The following EXOC2 variants were observed in gnomAD, a reference collection of about 807,000 sequenced individuals.
EXOC2 encodes the protein exocyst complex component 2.
Under a neutral mutation model 131.8 loss-of-function variants are expected in EXOC2, and 70 were observed. The ratio of observed to expected loss-of-function variants is 0.53; its 90% CI spans 0.44 to 0.65. The LOEUF is 0.65. EXOC2 is among the 30% of genes least tolerant of loss of function. The probability of loss-of-function intolerance (pLI) is 0.00; values close to 1 mark genes in which losing one functional copy is unlikely to be tolerated. For synonymous variants in EXOC2, 411 were observed against 398.4 expected (o/e 1.03, Z -0.38); for missense variants, 923 against 1,108.6 (o/e 0.83, Z 2.38).
At position 491,205 on chromosome 6, in the gene EXOC2, C is replaced by CT; in HGVS notation, c.2560-20_2560-19insA. On this transcript the variant is annotated intron_variant, in intron 25 of 27. Coordinates refer to ENST00000230449, the MANE Select transcript of EXOC2 (RefSeq NM_018303.6). Reference sequence around the variant, plus strand: ...GTCTCGCCTGAAAATGAGAAAAAGACAAAGTGACAACAGGAAAATTTATAT... The same window carrying CT: ...GTCTCGCCTGAAAATGAGAAAAAGACTAAAGTGACAACAGGAAAATTTATAT... 6.2e-7 allele frequency: 1 copy of CT among 1,613,600 alleles called. No individual in the cohort carries two copies. The highest frequency in any genetic ancestry group is 8.5e-7 in the Non-Finnish European group (1 of 1,179,596).
chr6:541,825 C>T (rs992369906), intron 22 of EXOC2, among the ~76,000 whole-genome samples: 4 of 152,078 alleles, frequency 2.6e-5, no homozygotes, highest in East Asian at 3.8e-4. Context: ...TCTGGGCATA[C>T]GGAAAATACC....
At chr6:555,373 T>C (rs1561851507) in intron 19 of EXOC2, 85 bp from the exon 20 acceptor site, 14 of 830,308 alleles carry the variant, frequency 1.7e-5, no homozygotes, top group Non-Finnish European at 2.6e-5. Flanking sequence ...TAACTTTACA[T>C]AAAGTAGAAT....
chr6:501,676 A>G (rs1581315676), intron 23 of EXOC2, among the ~76,000 whole-genome samples: 1 of 119,822 alleles, frequency 8.3e-6, no homozygotes, highest in East Asian at 2.2e-4. Context: ...TATAAAAGAT[A>G]TATATATCTA....
intron 27 of EXOC2, 93 bp downstream of exon 27, chr6:488,886 G>T: frequency 7.5e-7 from 1 of 1,327,300 alleles, no homozygotes; most frequent in Non-Finnish European, 1.1e-6. Flanking sequence ...GCTCTTCCTA[G>T]AATCCAAATC....
At chr6:684,751 C>G (rs1428498993) in intron 1 of EXOC2, among the ~76,000 whole-genome samples, 1 of 152,056 alleles carries the variant, frequency 6.6e-6, no homozygotes, top group African/African-American at 2.4e-5. Flanking sequence ...TTTCACAGAA[C>G]TTCAGACTAA....
intron 23 of EXOC2, among the ~76,000 whole-genome samples, chr6:512,771 G>A (rs1764925792): frequency 6.6e-6 from 1 of 152,190 alleles, no homozygotes. Context: ...TCCCTTATTT[G>A]AGCAAGTTAC....
chr6:547,671 A>G (rs1756937942), intron 22 of EXOC2, among the ~76,000 whole-genome samples: 1 of 152,216 alleles, frequency 6.6e-6, no homozygotes, highest in Non-Finnish European at 1.5e-5. Context: ...GTTATCATCT[A>G]AATCTAGTTT....
At position 506,886 on chromosome 6, in the gene EXOC2, A is replaced by G. The variant is rs571279543; in HGVS notation, c.2381-7186T>C. Among the ~76,000 whole-genome samples, 5 of 152,188 alleles carry G rather than the reference A, an allele frequency of 3.3e-5. No individual in the cohort carries two copies. In the South Asian group the frequency reaches 1.0e-3, roughly 32 times the overall value. On this transcript the variant is annotated intron_variant, in intron 23 of 27. Transcript: ENST00000230449. The surrounding 1 kb of genome is among the most constrained non-coding windows in gnomAD (Gnocchi z 4.4). ...GGTATATTTGTCAGTTTCCTCTTTT[A>G]ATCATATAGGAAGGTCACTTGATTT...
chr6:609,159 G>T (rs151033606), intron 7 of EXOC2, among the ~76,000 whole-genome samples: 65 of 152,254 alleles, frequency 4.3e-4, no homozygotes, highest in African/African-American at 1.6e-3. Flanking sequence ...GATCACTCAG[G>T]TTTGTGAAAA....
At chr6:620,375 C>T (rs561648362) in intron 4 of EXOC2, among the ~76,000 whole-genome samples, 10 of 152,262 alleles carry the variant, frequency 6.6e-5, no homozygotes, top group Middle Eastern at 6.8e-3. Context: ...TGAAACCTGA[C>T]GCTTCGGCAG....
chr6:623,784 T>G (rs187892990), intron 4 of EXOC2, among the ~76,000 whole-genome samples: 2,296 of 152,336 alleles, frequency 0.015, 33 homozygotes, highest in Non-Finnish European at 0.021. Flanking sequence ...GGAAGGTCTG[T>G]TGGAGCACAT....
At chr6:684,657 T>C (rs545561624) in intron 1 of EXOC2, among the ~76,000 whole-genome samples, 1 of 152,194 alleles carries the variant, frequency 6.6e-6, no homozygotes, top group Non-Finnish European at 1.5e-5. Flanking sequence ...TTTTCCCATA[T>C]TTAATTTCTC....
At chr6:638,045 T>C (rs1250449612) in intron 1 of EXOC2, among the ~76,000 whole-genome samples, 184 bp from the exon 2 acceptor site, 1 of 152,132 alleles carries the variant, frequency 6.6e-6, no homozygotes, top group Non-Finnish European at 1.5e-5. Flanking sequence ...CTAAGGACAC[T>C]CTGGTTAGTA....
chr6:503,105 T>G (rs1239608478), intron 23 of EXOC2, among the ~76,000 whole-genome samples: 3 of 152,022 alleles, frequency 2.0e-5, no homozygotes, highest in African/African-American at 7.2e-5. Context: ...AATATAAAAA[T>G]AAATCATTGA....
rs151043225 is a variant in EXOC2 at position 594,260 on chromosome 6, TTCTC to T, written c.1074-1677_1074-1674del. 5.7e-3 allele frequency among the ~76,000 whole-genome samples: 866 copies of T among 152,340 alleles called. 6 individuals carry two copies. Among genetic ancestry groups the T allele is most frequent in the African/African-American group, 0.02 (821 of 41,568 alleles). On this transcript the variant is annotated intron_variant, in intron 10 of 27. Coordinates refer to ENST00000230449, the MANE Select transcript of EXOC2 (RefSeq NM_018303.6). ...AGATTCCAAAATGCAGTCTGATTCT[TTCTC>T]TCACACAAGGCTTTCTTCTTTTATT...
intron 1 of EXOC2, among the ~76,000 whole-genome samples, chr6:639,579 TG>T (rs1346355917): frequency 6.6e-6 from 1 of 152,060 alleles, no homozygotes; most frequent in Admixed American, 6.6e-5. Flanking sequence ...CCGCAGAAAC[TG>T]AAGAGTCCTA....
chr6:502,784 A>G (rs796509120), intron 23 of EXOC2, among the ~76,000 whole-genome samples: 33 of 152,318 alleles, frequency 2.2e-4, no homozygotes, highest in African/African-American at 7.7e-4. Context: ...TTGTATTTCT[A>G]GATTTTATCT....
At chr6:522,565 G>A (rs1238971697) in intron 23 of EXOC2, among the ~76,000 whole-genome samples, 4 of 151,348 alleles carry the variant, frequency 2.6e-5, no homozygotes, top group African/African-American at 4.9e-5. Context: ...CCAGGCCCAC[G>A]TGGACGACAT....
At chr6:514,704 G>GC (rs1444062542) in intron 23 of EXOC2, among the ~76,000 whole-genome samples, 1 of 152,192 alleles carries the variant, frequency 6.6e-6, no homozygotes, top group Non-Finnish European at 1.5e-5. Flanking sequence ...AGATGTCTAT[G>GC]GGAGAAGCCC....
Sources: allele counts gnomAD v4.1 joint callset (sites outside exome capture counted in the v4.1 genomes callset), GRCh38; gene constraint gnomAD v4.1.1; non-coding constraint Gnocchi (gnomAD v3.1); transcripts MANE v1.5; gene names NCBI Gene and HGNC (gene_info 2026-07-23, HGNC 2026-07-21).